The following TPD52L3 variants were observed in gnomAD, a reference collection of about 807,000 sequenced individuals.
The protein encoded by TPD52L3 is TPD52 like 3.
A neutral mutation model predicts 8.7 loss-of-function variants in TPD52L3; 12 were observed. The observed-to-expected ratio is 1.38, with a 90% CI of 0.89 to 2.24. The LOEUF (loss-of-function observed/expected upper bound fraction) is 2.24. Ranked by LOEUF, TPD52L3 falls within the 30% of genes most tolerant of loss-of-function variation. The pLI, the probability that TPD52L3 is intolerant of heterozygous loss-of-function variation, is 0.00. For missense variants in TPD52L3, 207 were observed against 158.7 expected, an observed-to-expected ratio of 1.30 and a Z score of -1.64; for synonymous variants, 79 against 66.8, an observed-to-expected ratio of 1.18 and a Z score of -0.89.
chr9:6,329,454 C>T, intron 1 of TPD52L3: 1 of 1,030,208 alleles, frequency 9.7e-7, no homozygotes, highest in Non-Finnish European at 1.2e-6. Context: ...TCAGTGGCTC[C>T]AGAGGGGTCT....
At chr9:6,329,559 T>C in intron 1 of TPD52L3, 1 of 1,003,060 alleles carries the variant, frequency 1.0e-6, no homozygotes, top group Non-Finnish European at 1.2e-6. Flanking sequence ...AAGTAATCTG[T>C]AGTGTTTTTT....
chr9:6,328,914 AG>A lies in TPD52L3; in HGVS notation c.321del (p.Lys108SerfsTer5). Reference sequence around the variant, plus strand: ...GTCCACCATGGGCACTCTCATCTGCAGGAAGCTTGGAGGCGTGAAGAAGTCG... The same window carrying A: ...GTCCACCATGGGCACTCTCATCTGCAGAAGCTTGGAGGCGTGAAGAAGTCG... ...ALSTMGTLIC[R>X]KLGGVKKSAT... On this transcript the variant is annotated frameshift_variant, in exon 1 of 2. Transcript: ENST00000314556. LOFTEE classifies it high-confidence loss of function. 6.2e-7 allele frequency: 1 copy of A among 1,614,224 alleles called. No homozygotes were observed. Among genetic ancestry groups the A allele is most frequent in the Non-Finnish European group, 8.5e-7 (1 of 1,180,030 alleles).
chr9:6,328,561 T>C lies in TPD52L3; in HGVS notation c.-35T>C. ...GACTCTTTCTACCAAGAATTGGACCTGGACTCTCTTAACGAAGATCTTCTT... is the reference window on the plus strand; with the variant it reads ...GACTCTTTCTACCAAGAATTGGACCCGGACTCTCTTAACGAAGATCTTCTT... On this transcript the variant is annotated 5_prime_UTR_variant, in exon 1 of 2. Coordinates refer to ENST00000314556, the MANE Select transcript of TPD52L3 (RefSeq NM_001001874.3). The C allele has an allele frequency of 6.3e-7, 1 of 1,599,294 alleles. No homozygotes were observed.
chr9:6,328,995 G>A (rs766975405), intron 1 of TPD52L3, 33 bp downstream of exon 1: 2 of 1,614,038 alleles, frequency 1.2e-6, no homozygotes, highest in Non-Finnish European at 1.7e-6. Context: ...CAAAGTCTCA[G>A]GGGGCAAAAG....
At position 6,331,208 on chromosome 9, in the gene TPD52L3, A is replaced by G; in HGVS notation, c.*189A>G. 1.9e-6 allele frequency: 1 copy of G among 539,342 alleles called. No individual in the cohort carries two copies. Among genetic ancestry groups the G allele is most frequent in the Admixed American group, 3.5e-5 (1 of 28,330 alleles). The allele number at this position is 539,342 out of a possible 1,614,324, so 33.4% of individuals were successfully genotyped here. ...ATTAGACATCGTATGTGCCCTCTAGAAACACTTAGACTTTCAAATCATTAT... is the reference window on the plus strand; with the variant it reads ...ATTAGACATCGTATGTGCCCTCTAGGAACACTTAGACTTTCAAATCATTAT... On this transcript the variant is annotated 3_prime_UTR_variant, in exon 2 of 2. Transcript: ENST00000314556.
chr9:6,330,552 C>T, intron 1 of TPD52L3: 1 of 1,191,580 alleles, frequency 8.4e-7, no homozygotes, highest in Non-Finnish European at 1.0e-6. Context: ...AAACCAAATA[C>T]CACTATAAAT....
chr9:6,330,597 G>A, intron 1 of TPD52L3: 1 of 1,166,826 alleles, frequency 8.6e-7, no homozygotes, highest in Non-Finnish European at 1.1e-6. Context: ...AGTTACTCAT[G>A]TATCCCAACC....
intron 1 of TPD52L3, chr9:6,329,663 T>G (rs1020445350): frequency 4.5e-5 from 45 of 1,001,588 alleles, no homozygotes; most frequent in Non-Finnish European, 5.1e-5. Context: ...ACTTTTATTT[T>G]AAAAAGATGA....
chr9:6,329,243 A>G, intron 1 of TPD52L3: 2 of 1,354,158 alleles, frequency 1.5e-6, no homozygotes, highest in Non-Finnish European at 1.9e-6. Flanking sequence ...ACTCTGCCCA[A>G]CAAAAACAAG....
rs370817064 is a variant in TPD52L3, at chr9:6,328,899, G to C, written c.304G>C (p.Gly102Arg). The C allele has an allele frequency of 1.6e-5, 26 of 1,614,036 alleles. No individual in the cohort carries two copies. In the African/African-American group the frequency reaches 3.3e-4, roughly 21 times the overall value. The change falls in exon 1 of 2, where the codon GGC becomes CGC. Residue 102 changes from glycine to arginine, a missense_variant. Physicochemically the swap from Gly to Arg is moderately radical, Grantham distance 125. Transcript: ENST00000314556. ...QKTSAALSTM[G>R]TLICRKLGGV... is the part of the protein sequence containing the mutation. ...GACATCAGCTGCTCTGTCCACCATG[G>C]GCACTCTCATCTGCAGGAAGCTTGG...
Position 6,328,964 on chromosome 9 carries a change from T to A in TPD52L3, c.367+2T>A. The A allele has an allele frequency of 2.5e-6, 4 of 1,614,106 alleles. No individual in the cohort carries two copies. Among genetic ancestry groups the A allele is most frequent in the Non-Finnish European group, 3.4e-6 (4 of 1,180,014 alleles). Reference sequence around the variant, plus strand: ...CGGCCACATTCAGATCTTTTGAAGGTCTGATGGGGACAATCAAGTCCAAAG... The same window carrying A: ...CGGCCACATTCAGATCTTTTGAAGGACTGATGGGGACAATCAAGTCCAAAG... On this transcript the variant is annotated splice_donor_variant, in intron 1 of 1. Transcript: ENST00000314556. LOFTEE classifies it high-confidence loss of function.
chr9:6,328,811 G>A lies in TPD52L3; in HGVS notation c.216G>A (p.Leu72=), dbSNP rs548511287. ...RKLGLTALVG[L]RQNLSKSWLD... is the part of the protein sequence containing the mutation. ...TAGGCCTCACCGCCTTGGTAGGGCT[G>A]AGACAGAATCTGTCCAAGAGCTGGC... Residue 72 remains leucine, a synonymous_variant, in exon 1 of 2, where the codon CTG becomes CTA. Coordinates refer to ENST00000314556, the MANE Select transcript of TPD52L3 (RefSeq NM_001001874.3). 8 of 1,614,234 alleles carry A rather than the reference G, an allele frequency of 5.0e-6. No individual in the cohort carries two copies. The Admixed American group carries it at 1.2e-4, about 24-fold the overall frequency.
intron 1 of TPD52L3, chr9:6,329,445 C>G (rs937343040): frequency 9.7e-7 from 1 of 1,036,210 alleles, no homozygotes; most frequent in Non-Finnish European, 1.2e-6. Context: ...ATGGGCAAGT[C>G]AGTGGCTCCA....
chr9:6,330,708 T>C, intron 1 of TPD52L3: 1 of 1,245,100 alleles, frequency 8.0e-7, no homozygotes, highest in Non-Finnish European at 1.0e-6. Flanking sequence ...TCAACCAAAA[T>C]GGCTTTGTAT....
At chr9:6,330,174 C>G in intron 1 of TPD52L3, 4 of 1,614,016 alleles carry the variant, frequency 2.5e-6, no homozygotes, top group Non-Finnish European at 3.4e-6. Context: ...GTCTGCCCTT[C>G]TTTTTAGGAA....
chr9:6,330,800 G>T, intron 1 of TPD52L3, 176 bp from the exon 2 acceptor site: 2 of 1,368,144 alleles, frequency 1.5e-6, no homozygotes, highest in East Asian at 5.5e-5. Flanking sequence ...ATTTCAGGAA[G>T]GCTTGTGTTA....
Position 6,331,513 on chromosome 9 carries a change from T to C in TPD52L3, c.*494T>C, listed in dbSNP as rs1480285871. 2.0e-5 allele frequency: 3 copies of C among 152,082 alleles called. No homozygotes were observed. The highest frequency in any genetic ancestry group is 4.4e-5 in the Non-Finnish European group (3 of 68,138). The allele number at this position is 152,082 out of a possible 1,614,324, so 9.4% of individuals were successfully genotyped here. A position where few individuals can be genotyped will look rare whatever the true frequency, so the allele number is the denominator to read the frequency against. On this transcript the variant is annotated 3_prime_UTR_variant, in exon 2 of 2. Transcript: ENST00000314556. ...TGTTACATGAGTGAGGGAGGGGAAA[T>C]GGTGTTACGTGAGTAAGAAAAAATA...
chr9:6,331,683 T>C lies in TPD52L3; in HGVS notation c.*664T>C, dbSNP rs1015753446. On this transcript the variant is annotated 3_prime_UTR_variant, in exon 2 of 2. Coordinates refer to ENST00000314556, the MANE Select transcript of TPD52L3 (RefSeq NM_001001874.3). ...TAGATTACTCTGGTCATCAGAGAAA[T>C]AGATTAAGTATTTAAGAGGTAGAAT... is the stretch of plus-strand genomic sequence containing the variant. 6.6e-6 allele frequency: 1 copy of C among 152,136 alleles called. No individual in the cohort carries two copies. Among genetic ancestry groups the C allele is most frequent in the African/African-American group, 2.4e-5 (1 of 41,422 alleles). The allele number at this position is 152,136 out of a possible 1,614,324, so 9.4% of individuals were successfully genotyped here. A position where few individuals can be genotyped will look rare whatever the true frequency, so the allele number is the denominator to read the frequency against.
intron 1 of TPD52L3, 180 bp downstream of exon 1, chr9:6,329,142 T>C: frequency 6.8e-7 from 1 of 1,478,358 alleles, no homozygotes; most frequent in Non-Finnish European, 9.0e-7. Context: ...AGGATGACCA[T>C]CTCCACTTTC....
Sources: gnomAD v4.1 joint callset for allele counts on GRCh38, gnomAD v4.1.1 for gene constraint, MANE v1.5 for transcripts, NCBI Gene and HGNC (gene_info 2026-07-23, HGNC 2026-07-21) for gene names.